NOTCH1: variants seen among roughly 807,000 people sequenced by gnomAD.
The protein encoded by NOTCH1 is notch receptor 1, also known as neurogenic locus notch homolog protein 1.
In NOTCH1, 37 loss-of-function variants were observed where a neutral mutation model predicts 254.8. The observed-to-expected ratio is 0.15, with a 90% CI of 0.11 to 0.19. NOTCH1 has a LOEUF of 0.19. Among genes scored for constraint, NOTCH1 ranks in the 10% least tolerant of loss-of-function variants. The pLI is 1.00. For synonymous variants in NOTCH1, 1,731 were observed against 1,618.1 expected (o/e 1.07, Z -1.68); for missense variants, 2,972 against 3,708.6 (o/e 0.80, Z 5.16).
chr9:136,506,687 C>T lies in NOTCH1; in HGVS notation c.3901+29G>A, dbSNP rs373559374. The T allele has an allele frequency of 2.7e-5, 43 of 1,595,202 alleles. No individual in the cohort carries two copies. Among genetic ancestry groups the T allele is most frequent in the East Asian group, 1.1e-4 (5 of 44,030 alleles). ...GAGAGGCTCACCCTGCTGCCCCACA[C>T]GCCCCACCCGCCTGGGCGCGGCACC... On this transcript the variant is annotated intron_variant, in intron 23 of 33. Transcript: ENST00000651671. The surrounding 1 kb of genome is among the most constrained non-coding windows in gnomAD (Gnocchi z 4.5).
intron 9 of NOTCH1, among the ~76,000 whole-genome samples, 160 bp from the exon 10 acceptor site, chr9:136,516,254 G>A (rs567070532): frequency 2.2e-4 from 34 of 152,232 alleles, no homozygotes; most frequent in Middle Eastern, 3.4e-3. Flanking sequence ...CCCGCTGCCC[G>A]CTCCCCGGAT....
rs1843105963 is a variant in NOTCH1 at position 136,507,398 on chromosome 9, T to A, written c.3550A>T (p.Ile1184Phe). The A allele has an allele frequency of 6.2e-7, 1 of 1,611,136 alleles. No individual in the cohort carries two copies. The highest frequency in any genetic ancestry group is 1.3e-5 in the African/African-American group (1 of 74,924). ...CAGGGGTGGGAGAGGCACTCGTCGATCTCCTCAGAGCAGTTCACCCCGTGG... is the reference window on the plus strand; with the variant it reads ...CAGGGGTGGGAGAGGCACTCGTCGAACTCCTCAGAGCAGTTCACCCCGTGG... ...GYHGVNCSEE[I>F]DECLSHPCQN... is the part of the protein sequence containing the mutation. The change falls in exon 22 of 34, where the codon ATC becomes TTC. Residue 1184 changes from isoleucine (I) to phenylalanine (F), a missense_variant. Ile to Phe is a conservative substitution (Grantham distance 21). Transcript: ENST00000651671.
intron 27 of NOTCH1, 142 bp from the exon 28 acceptor site, chr9:136,502,630 G>A (rs993710503): frequency 1.4e-5 from 8 of 580,078 alleles, no homozygotes; most frequent in African/African-American, 1.3e-4. Flanking sequence ...CCAAAATAAG[G>A]TCATTTTCTA....
rs749262588 is a variant in NOTCH1, at chr9:136,500,569, C to T, written c.5917G>A (p.Ala1973Thr). The change falls in exon 31 of 34, where the codon GCA becomes ACA. Residue 1973 changes from alanine (A) to threonine (T), a missense_variant. This residue lies in a region of NOTCH1 where 421 missense variants were observed against 604.4 expected (regional missense o/e 0.70). Coordinates refer to ENST00000651671, the MANE Select transcript of NOTCH1 (RefSeq NM_017617.5). Reference protein sequence around the residue: ...TPLHAAVSADAQGVFQILIRN... With the variant: ...TPLHAAVSADTQGVFQILIRN... Reference sequence around the variant, plus strand: ...CTGCCTACCTGGAAGACACCTTGTGCGTCGGCAGACACAGCCGCATGCAGC... The same window carrying T: ...CTGCCTACCTGGAAGACACCTTGTGTGTCGGCAGACACAGCCGCATGCAGC... 1.2e-6 allele frequency: 2 copies of T among 1,611,228 alleles called. No individual in the cohort carries two copies. The highest frequency in any genetic ancestry group is 1.1e-5 in the South Asian group (1 of 91,082).
intron 2 of NOTCH1, among the ~76,000 whole-genome samples, chr9:136,532,328 G>T (rs957744262): frequency 6.6e-6 from 1 of 152,182 alleles, no homozygotes; most frequent in Non-Finnish European, 1.5e-5. Flanking sequence ...GCCCAGCCTC[G>T]CCCAGTGCCT....
At position 136,516,107 on chromosome 9, in the gene NOTCH1, AG is replaced by A. The variant is rs2133365577; in HGVS notation, c.1556-14del. 2 of 1,467,450 alleles carry A rather than the reference AG, an allele frequency of 1.4e-6. No homozygotes were observed. Among genetic ancestry groups the A allele is most frequent in the Non-Finnish European group, 9.5e-7 (1 of 1,053,652 alleles). 90.9% of individuals were successfully genotyped at this position (1,467,450 alleles called of 1,614,324 possible). On this transcript the variant is annotated splice_polypyrimidine_tract_variant and intron_variant, in intron 9 of 33. Transcript: ENST00000651671. The stretch of plus-strand genomic sequence containing the variant: ...TGCCCAGTGAAGCCTGGGGCCGGGG[AG>A]GGGAGGGGAGGGAGTCATGTGCAAC...
intron 12 of NOTCH1, 89 bp from the exon 13 acceptor site, chr9:136,514,791 G>A (rs768080749): frequency 3.0e-6 from 4 of 1,317,914 alleles, no homozygotes; most frequent in Non-Finnish European, 1.1e-6. Context: ...TTGAGCCGGG[G>A]CGATCACCCT....
chr9:136,519,592 T>C (rs369333319), intron 4 of NOTCH1, 27 bp from the exon 5 acceptor site: 1 of 1,612,350 alleles, frequency 6.2e-7, no homozygotes, highest in Non-Finnish European at 8.5e-7. Context: ...CGGGTCAGCC[T>C]CTTCCCTGAG....
At position 136,515,316 on chromosome 9, in the gene NOTCH1, T is replaced by A. The variant is rs1468283318; in HGVS notation, c.1988A>T (p.Glu663Val). 6 of 1,612,728 alleles carry A rather than the reference T, an allele frequency of 3.7e-6. No homozygotes were observed. In the Admixed American group the frequency reaches 1.0e-4, roughly 27 times the overall value. Residue 663 changes from glutamate (E) to valine (V), a missense_variant, in exon 12 of 34, where the codon GAG becomes GTG. By Grantham distance (121) the Glu-to-Val change is moderately radical. Coordinates refer to ENST00000651671, the MANE Select transcript of NOTCH1 (RefSeq NM_017617.5). ...TGTGTAGCCCGGCTCACAGGCACACTCGTAGCCATCGATCTTGTCCAGACA... is the reference window on the plus strand; with the variant it reads ...TGTGTAGCCCGGCTCACAGGCACACACGTAGCCATCGATCTTGTCCAGACA... ...GTCLDKIDGY[E>V]CACEPGYTGS...
In NOTCH1 at chr9:136,509,959, G is replaced by A. The variant is rs878855024; in HGVS notation, c.2743C>T (p.Pro915Ser). ...ETDIDDCRPN[P>S]CHNGGSCTDG... The stretch of plus-strand genomic sequence containing the variant: ...GTGCAGGAGCCCCCGTTGTGACACG[G>A]GTCTGGGAGAGGACGGAAGGGTGAG... Residue 915 changes from proline (P) to serine (S), a missense_variant and splice_region_variant, in exon 18 of 34, where the codon CCG becomes TCG. Physicochemically the swap from Pro to Ser is moderately conservative, Grantham distance 74. Around this residue, in one of 8 missense-constraint regions of NOTCH1, gnomAD observed 1,343 missense variants for 1,557.0 expected, o/e 0.86. Transcript: ENST00000651671. 8.1e-6 allele frequency: 13 copies of A among 1,612,908 alleles called. No individual in the cohort carries two copies. The highest frequency in any genetic ancestry group is 1.1e-5 in the Non-Finnish European group (13 of 1,179,948).
In NOTCH1 at chr9:136,501,892, G is replaced by A. The variant is rs755258425; in HGVS notation, c.5494C>T (p.Pro1832Ser). 1.2e-6 allele frequency: 2 copies of A among 1,612,064 alleles called. No individual in the cohort carries two copies. The highest frequency in any genetic ancestry group is 2.2e-5 in the South Asian group (2 of 91,082). The change falls in exon 30 of 34, where the codon CCT becomes TCT. Residue 1832 changes from proline to serine, a missense_variant. Pro to Ser is a moderately conservative substitution (Grantham distance 74). This residue lies in a region of NOTCH1 where 421 missense variants were observed against 604.4 expected (regional missense o/e 0.70). Transcript: ENST00000651671. ...TGGTCTGTCTGGTCGTCCAGGTCAG[G>A]CAGAACCACGGGCTCCTCGAACTAC... The part of the protein sequence containing the change: ...KFRFEEPVVL[P>S]DLDDQTDHRQ...
In NOTCH1 at chr9:136,518,700, C is replaced by T. The variant is rs1843318284; in HGVS notation, c.990G>A (p.Glu330=). 1 of 1,612,728 alleles carries T rather than the reference C, an allele frequency of 6.2e-7. No individual in the cohort carries two copies. Among genetic ancestry groups the T allele is most frequent in the Admixed American group, 1.7e-5 (1 of 60,002 alleles). ...AGTCATCAATGTTCTCGCTGCAGTC[C>T]TCACCAGTCCAGCCGTTGACACACA... ...NCVCVNGWTG[E]DCSENIDDCA... is the part of the protein sequence containing the mutation. Residue 330 remains glutamate (E), a synonymous_variant, in exon 6 of 34, where the codon GAG becomes GAA. Transcript: ENST00000651671.
In NOTCH1 at chr9:136,499,224, G is replaced by A. The variant is rs1842961230; in HGVS notation, c.5970C>T (p.Ala1990=). 2 of 1,613,306 alleles carry A rather than the reference G, an allele frequency of 1.2e-6. No homozygotes were observed. Among genetic ancestry groups the A allele is most frequent in the African/African-American group, 1.3e-5 (1 of 75,070 alleles). The stretch of plus-strand genomic sequence containing the variant: ...GTGGCGTCGTGCCATCATGCATGCG[G>A]GCATCCAGGTCTGTGGCTCGGTTCC... ...LIRNRATDLD[A]RMHDGTTPLI... Residue 1990 remains alanine (A), a synonymous_variant, in exon 32 of 34, where the codon GCC becomes GCT. Coordinates refer to ENST00000651671, the MANE Select transcript of NOTCH1 (RefSeq NM_017617.5).
Position 136,496,236 on chromosome 9 carries a change from C to G in NOTCH1, c.7503G>C (p.Gln2501His), listed in dbSNP as rs2133314476. The G allele has an allele frequency of 6.2e-7, 1 of 1,606,002 alleles. No homozygotes were observed. The highest frequency in any genetic ancestry group is 1.1e-5 in the South Asian group (1 of 90,012). ...GGAAGGGGTGCTCAGGCACCTGTAG[C>G]TGGTGGCTGGGGGTGTTGTCCACAG... ...SSPVDNTPSH[Q>H]LQVPEHPFLT... is the part of the protein sequence containing the mutation. Residue 2501 changes from glutamine to histidine, a missense_variant, in exon 34 of 34, where the codon CAG becomes CAC. Gln to His is a conservative substitution (Grantham distance 24). Coordinates refer to ENST00000651671, the MANE Select transcript of NOTCH1 (RefSeq NM_017617.5).
chr9:136,530,980 C>T (rs1180345413), intron 2 of NOTCH1, among the ~76,000 whole-genome samples: 1 of 152,256 alleles, frequency 6.6e-6, no homozygotes, highest in African/African-American at 2.4e-5. Context: ...CTGAACAGAT[C>T]CTGTCGCTGG....
Position 136,513,437 on chromosome 9 carries a change from C to A in NOTCH1, c.2308G>T (p.Asp770Tyr). ...GTGCACACGTAGCCACTGGTCATGTCTTTGCAGGTGCCGCCGTTGACACAA... is the reference window on the plus strand; with the variant it reads ...GTGCACACGTAGCCACTGGTCATGTATTTGCAGGTGCCGCCGTTGACACAA... ...NPCVNGGTCK[D>Y]MTSGYVCTCR... is the part of the protein sequence containing the mutation. The change falls in exon 14 of 34, where the codon GAC becomes TAC. Residue 770 changes from aspartate to tyrosine, a missense_variant. Coordinates refer to ENST00000651671, the MANE Select transcript of NOTCH1 (RefSeq NM_017617.5). The surrounding 1 kb of genome is among the most constrained non-coding windows in gnomAD (Gnocchi z 4.7). 6.2e-7 allele frequency: 1 copy of A among 1,613,082 alleles called. No individual in the cohort carries two copies. Among genetic ancestry groups the A allele is most frequent in the Non-Finnish European group, 8.5e-7 (1 of 1,180,012 alleles).
At chr9:136,507,556 C>A (rs1843108656) in intron 21 of NOTCH1, 119 bp from the exon 22 acceptor site, 1 of 1,398,464 alleles carries the variant, frequency 7.2e-7, no homozygotes, top group Non-Finnish European at 9.8e-7. Context: ...CCAGCGAAGC[C>A]ACGGGCCCCT....
At position 136,513,063 on chromosome 9, in the gene NOTCH1, C is replaced by G; in HGVS notation, c.2425G>C (p.Asp809His). Residue 809 changes from aspartate (D) to histidine (H), a missense_variant, in exon 15 of 34, where the codon GAC becomes CAC. By Grantham distance (81) the Asp-to-His change is moderately conservative. Transcript: ENST00000651671. The surrounding 1 kb of genome is among the most constrained non-coding windows in gnomAD (Gnocchi z 4.7). ...CAGTTGCACTTGTACCCGGCAACGT[C>G]GTCAATACACGTGCCCTGGTTCAGA... is the stretch of plus-strand genomic sequence containing the variant. ...PCLNQGTCID[D>H]VAGYKCNCLL... The G allele has an allele frequency of 6.2e-7, 1 of 1,610,518 alleles. No individual in the cohort carries two copies.
At chr9:136,520,349 G>A (rs970629615) in intron 4 of NOTCH1, among the ~76,000 whole-genome samples, 12 of 151,966 alleles carry the variant, frequency 7.9e-5, no homozygotes, top group African/African-American at 2.2e-4. Context: ...CCACCACCCC[G>A]TCCGTTCTGT....
Sources: allele counts gnomAD v4.1 joint callset (sites outside exome capture counted in the v4.1 genomes callset), GRCh38; gene constraint gnomAD v4.1.1; regional missense constraint gnomAD v4.1.1; non-coding constraint Gnocchi (gnomAD v3.1); transcripts MANE v1.5; gene names NCBI Gene and HGNC (gene_info 2026-07-23, HGNC 2026-07-21).